The following PRG3 variants were observed in gnomAD, a reference collection of about 807,000 sequenced individuals.
PRG3 encodes the protein proteoglycan 3, pro eosinophil major basic protein 2, also known as proteoglycan 3.
In PRG3, 25 loss-of-function variants were observed where a neutral mutation model predicts 26.1. The observed-to-expected ratio is 0.96, with a 90% CI of 0.70 to 1.34. The LOEUF (loss-of-function observed/expected upper bound fraction) is 1.34. PRG3 is among the 40% of genes most tolerant of loss of function. The pLI is 0.00. For synonymous variants in PRG3, 111 were observed against 100.4 expected (o/e 1.11, Z -0.63); for missense variants, 280 against 264.8 (o/e 1.06, Z -0.40).
chr11:57,377,592 C>CA (rs1257400694), intron 5 of PRG3, 133 bp downstream of exon 5: 3 of 722,100 alleles, frequency 4.2e-6, no homozygotes, highest in Non-Finnish European at 4.5e-6. Context: ...GCCCTCCTTA[C>CA]ACACAGGACT....
chr11:57,379,708 TC>T lies in PRG3; in HGVS notation c.160del (p.Glu54ArgfsTer3). The T allele has an allele frequency of 6.2e-7, 1 of 1,613,962 alleles. No individual in the cohort carries two copies. Among genetic ancestry groups the T allele is most frequent in the Non-Finnish European group, 8.5e-7 (1 of 1,180,028 alleles). ...CTCTCCCTCTGCCTGAATCACCTCC[TC>T]CGTCAGAGCCAAGTCTCTCTCCTGC... ...KEQERDLALT[E>X]EVIQAEGEEV... is the part of the protein sequence containing the mutation. On this transcript the variant is annotated frameshift_variant, in exon 3 of 6. Coordinates refer to ENST00000287143, the MANE Select transcript of PRG3 (RefSeq NM_006093.4). LOFTEE classifies it high-confidence loss of function.
intron 3 of PRG3, 140 bp downstream of exon 3, chr11:57,379,354 G>C: frequency 1.1e-6 from 1 of 882,092 alleles, no homozygotes; most frequent in Non-Finnish European, 1.7e-6. Flanking sequence ...GGCCCAGAAA[G>C]CTGTGTTTTA....
At position 57,377,754 on chromosome 11, in the gene PRG3, T is replaced by G; in HGVS notation, c.590A>C (p.Gln197Pro). 6.2e-7 allele frequency: 1 copy of G among 1,613,078 alleles called. No homozygotes were observed. Among genetic ancestry groups the G allele is most frequent in the South Asian group, 1.1e-5 (1 of 91,068 alleles). Residue 197 changes from glutamine to proline, a missense_variant, in exon 5 of 6, where the codon CAA (glutamine) becomes CCA (proline). By Grantham distance (76) the Gln-to-Pro change is moderately conservative. Coordinates refer to ENST00000287143, the MANE Select transcript of PRG3 (RefSeq NM_006093.4). ...YWSPGQPGNG[Q>P]GSCVALCTKG... ...GGTGCATAGGGCCACACAGGAGCCT[T>G]GCCCATTCCCAGGTTGCCCTGGGGA...
In PRG3 at chr11:57,376,821, G is replaced by A. The variant is rs944404017; in HGVS notation, c.*29C>T. 2 of 1,610,796 alleles carry A rather than the reference G, an allele frequency of 1.2e-6. No homozygotes were observed. Among genetic ancestry groups the A allele is most frequent in the African/African-American group, 1.3e-5 (1 of 74,994 alleles). On this transcript the variant is annotated 3_prime_UTR_variant, in exon 6 of 6. Coordinates refer to ENST00000287143, the MANE Select transcript of PRG3 (RefSeq NM_006093.4). ...AGGAGAGGTTGGGGGACGGGAGGGA[G>A]CTGCTGGCAGGGTCTCCGTGCCGCT... is the stretch of plus-strand genomic sequence containing the variant.
At position 57,376,835 on chromosome 11, in the gene PRG3, C is replaced by T; in HGVS notation, c.*15G>A. The T allele has an allele frequency of 7.4e-6, 12 of 1,612,296 alleles. No homozygotes were observed. The highest frequency in any genetic ancestry group is 1.0e-5 in the Non-Finnish European group (12 of 1,179,736). On this transcript the variant is annotated 3_prime_UTR_variant, in exon 6 of 6. Coordinates refer to ENST00000287143, the MANE Select transcript of PRG3 (RefSeq NM_006093.4). ...GACGGGAGGGAGCTGCTGGCAGGGT[C>T]TCCGTGCCGCTGGCTTAGAAGGAGC...
At chr11:57,378,277 G>T (rs930703208) in intron 4 of PRG3, among the ~76,000 whole-genome samples, 2 of 152,038 alleles carry the variant, frequency 1.3e-5, no homozygotes, top group African/African-American at 4.8e-5. Context: ...AAAAACAGAG[G>T]CTCCAAGAAA....
At chr11:57,378,161 G>A (rs1856961955) in intron 4 of PRG3, among the ~76,000 whole-genome samples, 1 of 152,108 alleles carries the variant, frequency 6.6e-6, no homozygotes, top group African/African-American at 2.4e-5. Flanking sequence ...GCTGATCTAT[G>A]GACCATACTG....
In PRG3 at chr11:57,380,691, G is replaced by A; in HGVS notation, c.18C>T (p.Leu6=). The stretch of plus-strand genomic sequence containing the variant: ...CTGTTCCCAGCAGGAGAAAGGGCAG[G>A]AGCAAGAGGCATTGCATATCTACTG... The part of the protein sequence containing the change: MQCLL[L]LPFLLLGTVS... Residue 6 remains leucine (L), a synonymous_variant, in exon 2 of 6, where the codon CTC becomes CTT. Transcript: ENST00000287143. The A allele has an allele frequency of 3.8e-6, 6 of 1,574,768 alleles. No homozygotes were observed. The highest frequency in any genetic ancestry group is 5.1e-6 in the Non-Finnish European group (6 of 1,165,340).
Position 57,379,703 on chromosome 11 carries a change from C to A in PRG3, c.166G>T (p.Val56Leu), listed in dbSNP as rs577588041. 12 of 1,613,990 alleles carry A rather than the reference C, an allele frequency of 7.4e-6. No individual in the cohort carries two copies. The East Asian group carries it at 1.1e-4, about 15-fold the overall frequency. Residue 56 changes from valine (V) to leucine (L), a missense_variant, in exon 3 of 6, where the codon GTG (valine) becomes TTG (leucine). Coordinates refer to ENST00000287143, the MANE Select transcript of PRG3 (RefSeq NM_006093.4). ...QERDLALTEE[V>L]IQAEGEEVKA... Reference sequence around the variant, plus strand: ...ACCTCCTCTCCCTCTGCCTGAATCACCTCCTCCGTCAGAGCCAAGTCTCTC... The same window carrying A: ...ACCTCCTCTCCCTCTGCCTGAATCAACTCCTCCGTCAGAGCCAAGTCTCTC...
intron 2 of PRG3, 70 bp downstream of exon 2, chr11:57,380,578 G>T: frequency 1.5e-6 from 2 of 1,370,818 alleles, no homozygotes; most frequent in Non-Finnish European, 9.9e-7. Flanking sequence ...GCAAATAAAA[G>T]CGGGGGGAGG....
chr11:57,378,984 A>G (rs1856972045), intron 3 of PRG3, among the ~76,000 whole-genome samples, 172 bp from the exon 4 acceptor site: 1 of 152,174 alleles, frequency 6.6e-6, no homozygotes, highest in African/African-American at 2.4e-5. Flanking sequence ...AAATGATAAT[A>G]CTCATAATAA....
chr11:57,378,595 G>T, intron 4 of PRG3, 86 bp downstream of exon 4: 1 of 1,532,528 alleles, frequency 6.5e-7, no homozygotes, highest in Non-Finnish European at 8.9e-7. Context: ...AACCTTAGCT[G>T]CTGGCCTGAG....
At chr11:57,378,979 A>T (rs555641336) in intron 3 of PRG3, among the ~76,000 whole-genome samples, 167 bp from the exon 4 acceptor site, 1 of 152,368 alleles carries the variant, frequency 6.6e-6, no homozygotes. Flanking sequence ...ACAGGAAATG[A>T]TAATACTCAT....
rs777550615 is a variant in PRG3, at chr11:57,377,770, G to T, written c.574C>A (p.Gln192Lys). The T allele has an allele frequency of 2.4e-5, 39 of 1,613,010 alleles. No homozygotes were observed. Among genetic ancestry groups the T allele is most frequent in the Non-Finnish European group, 3.1e-5 (36 of 1,179,964 alleles). Residue 192 changes from glutamine (Q) to lysine (K), a missense_variant, in exon 5 of 6, where the codon CAA (glutamine) becomes AAA (lysine). Coordinates refer to ENST00000287143, the MANE Select transcript of PRG3 (RefSeq NM_006093.4). Reference sequence around the variant, plus strand: ...CAGGAGCCTTGCCCATTCCCAGGTTGCCCTGGGGACCAGTAAGCAAAATTC... The same window carrying T: ...CAGGAGCCTTGCCCATTCCCAGGTTTCCCTGGGGACCAGTAAGCAAAATTC... Reference protein sequence around the residue: ...HWNFAYWSPGQPGNGQGSCVA... With the variant: ...HWNFAYWSPGKPGNGQGSCVA...
intron 3 of PRG3, 36 bp from the exon 4 acceptor site, chr11:57,378,848 T>C (rs1360491096): frequency 1.2e-6 from 2 of 1,609,130 alleles, no homozygotes; most frequent in Non-Finnish European, 8.5e-7. Flanking sequence ...TTCCCTCTCA[T>C]TTATTTCAAG....
intron 3 of PRG3, 70 bp from the exon 4 acceptor site, chr11:57,378,882 C>T: frequency 6.3e-7 from 1 of 1,585,404 alleles, no homozygotes; most frequent in Non-Finnish European, 8.6e-7. Flanking sequence ...AGGCAAGAGC[C>T]CGGCATCCCT....
Position 57,377,693 on chromosome 11 carries a change from C to T in PRG3, c.619+32G>A, listed in dbSNP as rs1170914821. 1.0e-5 allele frequency: 16 copies of T among 1,561,166 alleles called. No individual in the cohort carries two copies. In the Admixed American group the frequency reaches 2.7e-4, roughly 27 times the overall value. ...GTATTAAGAATCCACTTTACTATCC[C>T]TTCTCCCTGCCCTGGTGCCCTTCCC... On this transcript the variant is annotated intron_variant, in intron 5 of 5. Transcript: ENST00000287143.
chr11:57,378,628 T>G (rs1449742561), intron 4 of PRG3, 53 bp downstream of exon 4: 2 of 1,601,278 alleles, frequency 1.2e-6, no homozygotes, highest in African/African-American at 2.7e-5. Flanking sequence ...CAGATGCTAC[T>G]TTAACACATT....
chr11:57,379,373 T>C, intron 3 of PRG3, 121 bp downstream of exon 3: 2 of 1,034,290 alleles, frequency 1.9e-6, no homozygotes, highest in Admixed American at 4.6e-5. Flanking sequence ...TAACAACAAC[T>C]CCAGGTGATT....
Sources: allele counts gnomAD v4.1 joint callset (sites outside exome capture counted in the v4.1 genomes callset), GRCh38; gene constraint gnomAD v4.1.1; transcripts MANE v1.5; gene names NCBI Gene and HGNC (gene_info 2026-07-23, HGNC 2026-07-21).